OR1B1: variants seen among roughly 807,000 people sequenced by gnomAD.
OR1B1 encodes the protein olfactory receptor family 1 subfamily B member 1, also known as olfactory receptor 1B1.
For synonymous variants in OR1B1, 168 were observed against 156.2 expected, an observed-to-expected ratio of 1.08 and a Z score of -0.57; for missense variants, 414 against 402.1, an observed-to-expected ratio of 1.03 and a Z score of -0.25.
the OR1B1 span, among the ~76,000 whole-genome samples, chr9:122,639,080 AAAC>A: frequency 6.6e-6 from 1 of 152,186 alleles, no homozygotes; most frequent in Non-Finnish European, 1.5e-5. Context: ...TCCAACAAAG[AAAC>A]AACAACATTG....
chr9:122,642,906 A>G, the OR1B1 span, among the ~76,000 whole-genome samples: 1 of 152,218 alleles, frequency 6.6e-6, no homozygotes, highest in Non-Finnish European at 1.5e-5. Flanking sequence ...GTAAAGTGCT[A>G]ATAACATCTA....
At chr9:122,644,590 G>A in the OR1B1 span, among the ~76,000 whole-genome samples, 2 of 152,228 alleles carry the variant, frequency 1.3e-5, no homozygotes, top group African/African-American at 4.8e-5. Flanking sequence ...CCACAGTGGT[G>A]TTGGCATCAC....
At chr9:122,654,908 G>A in the OR1B1 span, among the ~76,000 whole-genome samples, 1 of 152,128 alleles carries the variant, frequency 6.6e-6, no homozygotes, top group Non-Finnish European at 1.5e-5. Context: ...ATTATGCATT[G>A]TATATTTCAA....
the OR1B1 span, among the ~76,000 whole-genome samples, chr9:122,644,526 G>A: frequency 1.3e-5 from 2 of 152,202 alleles, no homozygotes; most frequent in Non-Finnish European, 1.5e-5. Flanking sequence ...CATGGGCCTG[G>A]GTAAACTTGT....
upstream of OR1B1, among the ~76,000 whole-genome samples, chr9:122,630,366 G>T (rs558545718): frequency 1.3e-5 from 2 of 152,164 alleles, no homozygotes; most frequent in South Asian, 4.1e-4. Context: ...AAAACTGAAG[G>T]AATTACTCCA....
In OR1B1 at chr9:122,629,490, G is replaced by GT; in HGVS notation, c.45_46insA (p.Leu16ThrfsTer8). 1 of 1,570,156 alleles carries GT rather than the reference G, an allele frequency of 6.4e-7. No homozygotes were observed. Among genetic ancestry groups the GT allele is most frequent in the Middle Eastern group, 1.7e-4 (1 of 5,952 alleles). On this transcript the variant is annotated frameshift_variant, in exon 1 of 1. Coordinates refer to ENST00000623530, the Ensembl canonical transcript of OR1B1. LOFTEE classifies it low-confidence loss of function (END_TRUNC). ...ATGTTAGCTCTCGAGAACCCAAGGA[G>GT]CAAAAAAACCGGAGAGTGTGAAGCA...
exon 1 of OR1B1, chr9:122,629,419 G>A: frequency 8.1e-6 from 13 of 1,613,860 alleles, no homozygotes; most frequent in Non-Finnish European, 1.1e-5. Context: ...CCAGTATGGT[G>A]GTCAGGTAAA....
chr9:122,645,763 A>G, the OR1B1 span, among the ~76,000 whole-genome samples: 1 of 152,206 alleles, frequency 6.6e-6, no homozygotes, highest in African/African-American at 2.4e-5. Flanking sequence ...GATTTCATCA[A>G]CACTAGACCT....
upstream of OR1B1, among the ~76,000 whole-genome samples, chr9:122,630,712 T>C (rs1339725119): frequency 2.6e-5 from 4 of 152,096 alleles, no homozygotes; most frequent in Non-Finnish European, 5.9e-5. Context: ...GTTTTTGTTT[T>C]TGTTTTTGTT....
chr9:122,631,094 T>G (rs559608947), upstream of OR1B1, among the ~76,000 whole-genome samples: 52 of 152,310 alleles, frequency 3.4e-4, no homozygotes, highest in African/African-American at 9.9e-4. Context: ...TTTGAGAATT[T>G]GGGCTTTCTG....
the OR1B1 span, among the ~76,000 whole-genome samples, chr9:122,642,368 T>G: frequency 6.6e-6 from 1 of 152,260 alleles, no homozygotes; most frequent in East Asian, 1.9e-4. Context: ...CGGCTGTGAC[T>G]CTGGATTGTG....
chr9:122,648,922 A>G, the OR1B1 span, among the ~76,000 whole-genome samples: 1 of 152,170 alleles, frequency 6.6e-6, no homozygotes, highest in African/African-American at 2.4e-5. Flanking sequence ...TATGGAACCA[A>G]AAAAGAGCCC....
At chr9:122,629,607 T>C (rs986438046), upstream of OR1B1, 3 of 897,050 alleles carry the variant, frequency 3.3e-6, no homozygotes, top group Non-Finnish European at 3.5e-6. Flanking sequence ...TTAGGGATCA[T>C]AGCATTTCTA....
chr9:122,636,369 A>G, the OR1B1 span, among the ~76,000 whole-genome samples: 3 of 152,164 alleles, frequency 2.0e-5, no homozygotes, highest in African/African-American at 7.2e-5. Context: ...AATCCCAACA[A>G]TTTGGGAGGC....
the OR1B1 span, among the ~76,000 whole-genome samples, chr9:122,655,573 G>A: frequency 6.6e-6 from 1 of 151,296 alleles, no homozygotes; most frequent in Non-Finnish European, 1.5e-5. Flanking sequence ...GTGATCCTCA[G>A]CAAACAAACA....
At chr9:122,645,428 CAAG>C in the OR1B1 span, among the ~76,000 whole-genome samples, 1 of 151,930 alleles carries the variant, frequency 6.6e-6, no homozygotes, top group Non-Finnish European at 1.5e-5. Flanking sequence ...CATTCAAGTA[CAAG>C]AAGGTTATAG....
the OR1B1 span, among the ~76,000 whole-genome samples, chr9:122,641,131 G>T: frequency 6.6e-6 from 1 of 152,126 alleles, no homozygotes; most frequent in Non-Finnish European, 1.5e-5. Flanking sequence ...TCATAACAGG[G>T]TATAGTGCAT....
the OR1B1 span, among the ~76,000 whole-genome samples, chr9:122,639,152 T>A: frequency 6.6e-6 from 1 of 152,196 alleles, no homozygotes; most frequent in African/African-American, 2.4e-5. Context: ...TACCTCCTGC[T>A]TAGGGTAACC....
chr9:122,649,581 G>A, the OR1B1 span, among the ~76,000 whole-genome samples: 3 of 152,124 alleles, frequency 2.0e-5, no homozygotes, highest in African/African-American at 7.2e-5. Flanking sequence ...ATCAAAAAGT[G>A]GGCAAAGGAT....
Sources: allele counts gnomAD v4.1 joint callset (sites outside exome capture counted in the v4.1 genomes callset), GRCh38; gene constraint gnomAD v4.1.1; transcripts MANE v1.5; gene names NCBI Gene and HGNC (gene_info 2026-07-23, HGNC 2026-07-21).